The following CACNA1D variants were observed in gnomAD, a reference collection of about 807,000 sequenced individuals.
CACNA1D encodes the protein calcium voltage-gated channel subunit alpha1 D, also known as voltage-dependent L-type calcium channel subunit alpha-1D.
In CACNA1D, 55 loss-of-function variants were observed where a neutral mutation model predicts 257.1. That is an observed-to-expected ratio of 0.21 (90% CI 0.17 to 0.27). The LOEUF (loss-of-function observed/expected upper bound fraction) is 0.27. Among genes scored for constraint, CACNA1D ranks in the 10% least tolerant of loss-of-function variants. CACNA1D has a pLI of 1.00. For synonymous variants in CACNA1D, 980 were observed against 1,014.9 expected (o/e 0.97, Z 0.65); for missense variants, 1,876 against 2,784.0 (o/e 0.67, Z 7.34).
At chr3:53,616,878 C>T (rs1370557981) in intron 3 of CACNA1D, among the ~76,000 whole-genome samples, 1 of 151,776 alleles carries the variant, frequency 6.6e-6, no homozygotes, top group Non-Finnish European at 1.5e-5. Context: ...TCCATGGAGG[C>T]AGGTGCAGGA....
At chr3:53,777,280 T>C (rs2095402983) in intron 37 of CACNA1D, among the ~76,000 whole-genome samples, 1 of 152,004 alleles carries the variant, frequency 6.6e-6, no homozygotes, top group Non-Finnish European at 1.5e-5. Context: ...ATGGACATCG[T>C]AATGGCAAAG....
intron 3 of CACNA1D, among the ~76,000 whole-genome samples, chr3:53,558,651 A>G (rs2092686529): frequency 6.6e-6 from 1 of 152,156 alleles, no homozygotes; most frequent in South Asian, 2.1e-4. Context: ...TTATAGATTG[A>G]CAGCTCTTTT....
intron 3 of CACNA1D, among the ~76,000 whole-genome samples, chr3:53,509,798 T>C (rs1042759761): frequency 6.6e-6 from 1 of 152,248 alleles, no homozygotes; most frequent in Admixed American, 6.5e-5. Context: ...GCTCATCTTC[T>C]GAGGGCTGAC....
At chr3:53,735,555 C>A (rs761897913) in intron 20 of CACNA1D, 52 bp downstream of exon 20, 2 of 1,599,700 alleles carry the variant, frequency 1.3e-6, no homozygotes, top group Non-Finnish European at 1.7e-6. Flanking sequence ...CTCTCTCGGG[C>A]AGAGGCCACT....
In CACNA1D at chr3:53,495,256, C is replaced by T. The variant is rs376615846; in HGVS notation, c.67+23C>T. 287 of 1,613,222 alleles carry T rather than the reference C, an allele frequency of 1.8e-4. 1 individual carries two copies. The Middle Eastern group carries it at 4.1e-3, about 23-fold the overall frequency. On this transcript the variant is annotated intron_variant, in intron 1 of 47. Coordinates refer to ENST00000350061, the MANE Select transcript of CACNA1D (RefSeq NM_001128840.3). The surrounding 1 kb of genome is among the most constrained non-coding windows in gnomAD (Gnocchi z 5.1). Reference sequence around the variant, plus strand: ...ACGGTGAGCAGCCAGAGCCCGGGCACCCGCTGCCAAATCCGATCCTGTCAT... The same window carrying T: ...ACGGTGAGCAGCCAGAGCCCGGGCATCCGCTGCCAAATCCGATCCTGTCAT...
Position 53,495,034 on chromosome 3 carries a change from C to T in CACNA1D, c.-133C>T. On this transcript the variant is annotated 5_prime_UTR_variant, in exon 1 of 48. Transcript: ENST00000350061. This position sits in a 1 kb window ranked among gnomAD's most constrained non-coding sequence, Gnocchi z 5.1. ...GTTATTTGTCCCCGTCCCTCCCCAC[C>T]CCCCTGCTGAAGCGAGAATAAGGGC... The T allele has an allele frequency of 1.9e-6, 1 of 515,986 alleles. No homozygotes were observed. Among genetic ancestry groups the T allele is most frequent in the Admixed American group, 2.2e-5 (1 of 45,900 alleles). 32.0% of individuals were successfully genotyped at this position (515,986 alleles called of 1,614,324 possible).
At chr3:53,736,888 TAA>T (rs569401400) in intron 20 of CACNA1D, among the ~76,000 whole-genome samples, 22 of 121,470 alleles carry the variant, frequency 1.8e-4, no homozygotes, top group East Asian at 2.4e-4. Flanking sequence ...ACCCTGTCTC[TAA>T]AAAAAAAAAA....
In CACNA1D at chr3:53,606,315, C is replaced by G. The variant is rs530843261; in HGVS notation, c.484-44464C>G. ...ACCCCTGCACTGTGGCTGGATGCCC[C>G]TGAAGGAGGGAGGCCATGTCAGTTA... On this transcript the variant is annotated intron_variant, in intron 3 of 47. Transcript: ENST00000350061. 7.2e-5 allele frequency among the ~76,000 whole-genome samples: 11 copies of G among 152,332 alleles called. No individual in the cohort carries two copies. In the East Asian group the frequency reaches 2.1e-3, roughly 29 times the overall value.
intron 17 of CACNA1D, among the ~76,000 whole-genome samples, chr3:53,731,708 A>C (rs1177107006): frequency 6.6e-6 from 1 of 152,236 alleles, no homozygotes; most frequent in Admixed American, 6.5e-5. Context: ...TGGCAGGAAG[A>C]CAGGAGTATG....
intron 26 of CACNA1D, chr3:53,749,007 G>A (rs981486386): frequency 9.9e-6 from 6 of 606,850 alleles, no homozygotes; most frequent in African/African-American, 3.7e-5. Flanking sequence ...AGTGTTTTAG[G>A]ATATTTGTGA....
intron 3 of CACNA1D, among the ~76,000 whole-genome samples, chr3:53,549,046 T>G (rs1026958133): frequency 4.6e-5 from 7 of 152,338 alleles, no homozygotes; most frequent in African/African-American, 1.7e-4. Context: ...AGTCTGGTTA[T>G]GTACAGGGCT....
intron 23 of CACNA1D, among the ~76,000 whole-genome samples, chr3:53,745,375 G>A (rs569064318): frequency 1.3e-5 from 2 of 152,120 alleles, no homozygotes; most frequent in African/African-American, 2.4e-5. Flanking sequence ...TCAGTAGCTG[G>A]GATTACAGGT....
intron 3 of CACNA1D, among the ~76,000 whole-genome samples, chr3:53,636,306 G>T (rs1044938908): frequency 6.6e-6 from 1 of 151,982 alleles, no homozygotes; most frequent in Non-Finnish European, 1.5e-5. Context: ...AAATATATGC[G>T]ATTTATTTGT....
intron 8 of CACNA1D, among the ~76,000 whole-genome samples, chr3:53,689,276 T>C (rs1239066728): frequency 1.3e-5 from 2 of 149,450 alleles, no homozygotes; most frequent in African/African-American, 5.1e-5. Context: ...GCTGCCAGGG[T>C]GCTCCGTGCT....
chr3:53,628,257 G>C (rs915733775), intron 3 of CACNA1D, among the ~76,000 whole-genome samples: 5 of 152,088 alleles, frequency 3.3e-5, no homozygotes, highest in African/African-American at 9.7e-5. Context: ...TGCTTTTGCT[G>C]TTCTCTCTGT....
At chr3:53,501,383 T>C (rs1414100790) in intron 2 of CACNA1D, among the ~76,000 whole-genome samples, 1 of 152,174 alleles carries the variant, frequency 6.6e-6, no homozygotes, top group Admixed American at 6.5e-5. Flanking sequence ...ACATGATCCT[T>C]GCAACAGAAG....
rs2093460150 is a variant in CACNA1D, at chr3:53,602,752, T to A, written c.484-48027T>A. Among the ~76,000 whole-genome samples, 3 of 152,374 alleles carry A rather than the reference T, an allele frequency of 2.0e-5. No individual in the cohort carries two copies. The South Asian group carries it at 6.2e-4, about 32-fold the overall frequency. On this transcript the variant is annotated intron_variant, in intron 3 of 47. Coordinates refer to ENST00000350061, the MANE Select transcript of CACNA1D (RefSeq NM_001128840.3). Reference sequence around the variant, plus strand: ...AACCTGTTGGCCGTTTGTCTTCTTTTGAGAAACATCTATACAGATCTTTTG... The same window carrying A: ...AACCTGTTGGCCGTTTGTCTTCTTTAGAGAAACATCTATACAGATCTTTTG...
intron 22 of CACNA1D, among the ~76,000 whole-genome samples, chr3:53,744,287 T>C (rs2612025): frequency 0.78 from 116,528 of 149,802 alleles, 46,205 homozygotes; most frequent in East Asian, 1. Context: ...CATTTACCCC[T>C]GTCATGTGCC....
intron 26 of CACNA1D, 36 bp from the exon 27 acceptor site, chr3:53,749,232 G>T (rs1405335843): frequency 6.7e-7 from 1 of 1,494,734 alleles, no homozygotes; most frequent in Admixed American, 1.7e-5. Context: ...GGGCTGGGGG[G>T]CTTGGCAGGT....
Sources: allele counts gnomAD v4.1 joint callset (sites outside exome capture counted in the v4.1 genomes callset), GRCh38; gene constraint gnomAD v4.1.1; non-coding constraint Gnocchi (gnomAD v3.1); transcripts MANE v1.5; gene names NCBI Gene and HGNC (gene_info 2026-07-23, HGNC 2026-07-21).